The following UBXN11 variants were observed in gnomAD, a reference collection of about 807,000 sequenced individuals.
UBXN11 encodes the protein UBX domain-containing protein 11.
In UBXN11, 47 loss-of-function variants were observed where a neutral mutation model predicts 62.8. The ratio of observed to expected loss-of-function variants is 0.75; its 90% CI spans 0.59 to 0.95. The LOEUF is 0.95. Among genes scored for constraint, UBXN11 ranks in the 40% least tolerant of loss-of-function variants. UBXN11 has a pLI of 0.00. For synonymous variants in UBXN11, 294 were observed against 267.0 expected (o/e 1.10, Z -0.99); for missense variants, 638 against 661.7 (o/e 0.96, Z 0.39).
At chr1:26,301,231 GGCCAAT>G (rs2073526425) in intron 3 of UBXN11, among the ~76,000 whole-genome samples, 2 of 152,234 alleles carry the variant, frequency 1.3e-5, no homozygotes, top group African/African-American at 2.4e-5. Context: ...GGACTGGCAT[GGCCAAT>G]GCCAATGCCA....
At position 26,294,366 on chromosome 1, in the gene UBXN11, C is replaced by T. The variant is rs767162316; in HGVS notation, c.433-35G>A. On this transcript the variant is annotated intron_variant, in intron 7 of 14. Coordinates refer to ENST00000374222, the MANE Select transcript of UBXN11 (RefSeq NM_001389556.1). ...AGAAGGGGGAGATGCGGGGCACCGTCAGCTCAGCCCCTTCCCAGGGAAAGG... is the reference window on the plus strand; with the variant it reads ...AGAAGGGGGAGATGCGGGGCACCGTTAGCTCAGCCCCTTCCCAGGGAAAGG... The T allele has an allele frequency of 3.1e-5, 50 of 1,606,714 alleles. No individual in the cohort carries two copies. The South Asian group carries it at 5.5e-4, about 18-fold the overall frequency.
chr1:26,290,149 A>C (rs914894875), intron 8 of UBXN11, among the ~76,000 whole-genome samples: 8 of 152,188 alleles, frequency 5.3e-5, no homozygotes, highest in African/African-American at 1.9e-4. Context: ...TGATCATCCA[A>C]GCCTGGGCAC....
intron 8 of UBXN11, among the ~76,000 whole-genome samples, chr1:26,291,581 T>TC (rs1045432201): frequency 6.6e-6 from 1 of 151,086 alleles, no homozygotes; most frequent in Non-Finnish European, 1.5e-5. Flanking sequence ...AGCAAGGAGG[T>TC]CCCCCCTGGC....
In UBXN11 at chr1:26,282,460, G is replaced by A. The variant is rs1426471969; in HGVS notation, c.1402C>T (p.Leu468=). The A allele has an allele frequency of 6.2e-7, 1 of 1,606,754 alleles. No homozygotes were observed. Among genetic ancestry groups the A allele is most frequent in the African/African-American group, 1.3e-5 (1 of 74,892 alleles). The stretch of plus-strand genomic sequence containing the variant: ...TTCGGGGCTCGGCGTGCCCGCAGCA[G>A]CAGTGCTGCTTTGGGCACAAGGCCT... The part of the protein sequence containing the change: ...AAGLVPKAAL[L]LRARRAPKSS... The change falls in exon 15 of 15, where the codon CTG becomes TTG. Residue 468 remains leucine, a synonymous_variant. Transcript: ENST00000374222.
intron 12 of UBXN11, 63 bp from the exon 13 acceptor site, chr1:26,283,000 C>T (rs1184278752): frequency 6.2e-7 from 1 of 1,601,030 alleles, no homozygotes; most frequent in African/African-American, 1.3e-5. Flanking sequence ...CCCCACAAAC[C>T]TTAGAGGGAC....
chr1:26,304,507 C>T (rs1466235074), intron 1 of UBXN11, among the ~76,000 whole-genome samples: 1 of 152,184 alleles, frequency 6.6e-6, no homozygotes, highest in Non-Finnish European at 1.5e-5. Context: ...AATCCCAACA[C>T]TTTGGGAGGC....
rs1378236793 is a variant in UBXN11, at chr1:26,284,396, C to T, written c.939G>A (p.Met313Ile). 1.2e-6 allele frequency: 2 copies of T among 1,614,052 alleles called. No homozygotes were observed. Among genetic ancestry groups the T allele is most frequent in the East Asian group, 2.2e-5 (1 of 44,892 alleles). Residue 313 changes from methionine to isoleucine, a missense_variant, in exon 11 of 15, where the codon ATG becomes ATA. Met to Ile is a conservative substitution (Grantham distance 10, BLOSUM62 1). Coordinates refer to ENST00000374222, the MANE Select transcript of UBXN11 (RefSeq NM_001389556.1). ...GEGRVVGRQL[M>I]HKALDRVEEH... is the part of the protein sequence containing the mutation. The stretch of plus-strand genomic sequence containing the variant: ...CCTCCACCCTGTCCAAGGCCTTGTG[C>T]ATCAGCTGCCTGCCCACCACACGGC...
At chr1:26,283,223 G>A (rs1196100207) in intron 12 of UBXN11, among the ~76,000 whole-genome samples, 1 of 152,148 alleles carries the variant, frequency 6.6e-6, no homozygotes, top group Non-Finnish European at 1.5e-5. Context: ...CCTGGGGTCA[G>A]GGAAGGCTTC....
chr1:26,302,917 C>T lies in UBXN11; in HGVS notation c.-34G>A, dbSNP rs777698047. ...TTCTAGAATCCAGCTGTCAGGAACT[C>T]CCTAGAGGAATGCAGGAAGTCAGCC... On this transcript the variant is annotated splice_region_variant and 5_prime_UTR_variant, in exon 2 of 15. Transcript: ENST00000374222. The T allele has an allele frequency of 6.2e-7, 1 of 1,603,996 alleles. No individual in the cohort carries two copies. Among genetic ancestry groups the T allele is most frequent in the Non-Finnish European group, 8.5e-7 (1 of 1,172,252 alleles).
upstream of UBXN11, among the ~76,000 whole-genome samples, chr1:26,308,112 C>A (rs1405902055): frequency 2.6e-5 from 4 of 151,768 alleles, no homozygotes; most frequent in Non-Finnish European, 4.4e-5. Flanking sequence ...ACTAAAAATA[C>A]AAAATCAGCC....
At chr1:26,291,951 C>T (rs1331368671) in intron 8 of UBXN11, among the ~76,000 whole-genome samples, 1 of 152,198 alleles carries the variant, frequency 6.6e-6, no homozygotes, top group Non-Finnish European at 1.5e-5. Context: ...CAGCTGTGCT[C>T]CCTCGGGTTA....
At chr1:26,301,620 C>A in intron 3 of UBXN11, 74 bp downstream of exon 3, 1 of 1,587,804 alleles carries the variant, frequency 6.3e-7, no homozygotes, top group South Asian at 1.1e-5. Flanking sequence ...CGTGTGATTT[C>A]TCTCCATCGG....
chr1:26,298,214 T>A, intron 4 of UBXN11, 152 bp from the exon 5 acceptor site: 1 of 723,220 alleles, frequency 1.4e-6, no homozygotes, highest in Non-Finnish European at 2.3e-6. Flanking sequence ...ACACTTCATG[T>A]AGATCAACCC....
In UBXN11 at chr1:26,284,781, G is replaced by C. The variant is rs998661426; in HGVS notation, c.853-299C>G. 6.3e-5 allele frequency: 73 copies of C among 1,163,462 alleles called. 1 individual carries two copies. The highest frequency in any genetic ancestry group is 9.6e-5 in the African/African-American group (6 of 62,408). The allele number at this position is 1,163,462 out of a possible 1,614,324, so 72.1% of individuals were successfully genotyped here. A position where few individuals can be genotyped will look rare whatever the true frequency, so the allele number is the denominator to read the frequency against. On this transcript the variant is annotated intron_variant, in intron 10 of 14. Transcript: ENST00000374222. Reference sequence around the variant, plus strand: ...GGCAGAGTGTGAGGGGGTCAGGAGAGGACAAAGCCCCTGCTTTTTTCCAGT... The same window carrying C: ...GGCAGAGTGTGAGGGGGTCAGGAGACGACAAAGCCCCTGCTTTTTTCCAGT...
chr1:26,318,158 A>G, exon 1 of UBXN11: 1 of 1,140,878 alleles, frequency 8.8e-7, no homozygotes. Context: ...GCTCCCAGAG[A>G]CCCAGCCTTC....
chr1:26,285,582 T>C (rs1351468496), intron 9 of UBXN11, 41 bp from the exon 10 acceptor site: 1 of 1,509,506 alleles, frequency 6.6e-7, no homozygotes. Flanking sequence ...GCCTGGGCCT[T>C]GGGCCCACCC....
Position 26,300,910 on chromosome 1 carries a change from A to C in UBXN11, c.199+16T>G, listed in dbSNP as rs753480223. 2.5e-5 allele frequency: 41 copies of C among 1,614,070 alleles called. 1 individual carries two copies. The South Asian group carries it at 4.5e-4, about 18-fold the overall frequency. Reference sequence around the variant, plus strand: ...CCTGCAGCCAGGACCCAGACCCTTCAGGCCTCTGCTCTCACCTTGCCGACT... The same window carrying C: ...CCTGCAGCCAGGACCCAGACCCTTCCGGCCTCTGCTCTCACCTTGCCGACT... On this transcript the variant is annotated intron_variant, in intron 4 of 14. Transcript: ENST00000374222.
intron 8 of UBXN11, among the ~76,000 whole-genome samples, chr1:26,287,706 A>G (rs539312906): frequency 2.0e-5 from 3 of 151,930 alleles, no homozygotes; most frequent in South Asian, 2.1e-4. Flanking sequence ...CCTCTCCCCT[A>G]TATTTCCTAC....
chr1:26,288,746 C>A (rs1215264836), intron 8 of UBXN11, among the ~76,000 whole-genome samples: 1 of 152,220 alleles, frequency 6.6e-6, no homozygotes, highest in Admixed American at 6.5e-5. Context: ...CCTGCAAGAT[C>A]CAGCTGGTGA....
Sources: gnomAD v4.1 joint callset for allele counts (sites outside exome capture counted in the v4.1 genomes callset) on GRCh38, gnomAD v4.1.1 for gene constraint, MANE v1.5 for transcripts, NCBI Gene and HGNC (gene_info 2026-07-23, HGNC 2026-07-21) for gene names.